The following LYPLAL1 variants were observed in gnomAD, a reference collection of about 807,000 sequenced individuals.
The protein encoded by LYPLAL1 is lysophospholipase-like protein 1.
LYPLAL1 carries 23 observed loss-of-function variants against 19.7 expected under a neutral mutation model. That is an observed-to-expected ratio of 1.17 (90% CI 0.84 to 1.65). The LOEUF is 1.65. Among genes scored for constraint, LYPLAL1 ranks in the 40% most tolerant of loss-of-function variants. LYPLAL1 has a pLI of 0.00. For missense variants in LYPLAL1, 355 were observed against 279.4 expected (o/e 1.27, Z -1.93); for synonymous variants, 119 against 96.3 (o/e 1.24, Z -1.38).
the LYPLAL1 span, among the ~76,000 whole-genome samples, chr1:219,280,577 A>G: frequency 6.6e-6 from 1 of 152,196 alleles, no homozygotes; most frequent in Admixed American, 6.5e-5. Context: ...ATGCATTCTG[A>G]ACAACATATA....
chr1:219,407,215 AC>A, the LYPLAL1 span, among the ~76,000 whole-genome samples: 1 of 152,210 alleles, frequency 6.6e-6, no homozygotes, highest in Non-Finnish European at 1.5e-5. Flanking sequence ...GGCTAGGAAA[AC>A]AAAAAAAATG....
chr1:219,400,211 ATC>A, the LYPLAL1 span, among the ~76,000 whole-genome samples: 1 of 151,612 alleles, frequency 6.6e-6, no homozygotes. Flanking sequence ...CCTGATGAAG[ATC>A]TGTTAGGAGT....
the LYPLAL1 span, among the ~76,000 whole-genome samples, chr1:219,425,980 A>G: frequency 6.6e-6 from 1 of 152,236 alleles, no homozygotes; most frequent in African/African-American, 2.4e-5. Context: ...CTGTTGTTCT[A>G]AAGAACCAAC....
At chr1:219,409,467 C>CAAACACACACAT in the LYPLAL1 span, 1 of 146,580 alleles carries the variant, frequency 6.8e-6, no homozygotes, top group Non-Finnish European at 1.5e-5. Flanking sequence ...CACACACACA[C>CAAACACACACAT]AAATTTTATT....
chr1:219,390,458 T>C, the LYPLAL1 span, among the ~76,000 whole-genome samples: 2 of 152,334 alleles, frequency 1.3e-5, no homozygotes, highest in South Asian at 2.1e-4. Context: ...ACCAGACAGA[T>C]TTTCCATCTA....
chr1:219,236,544 TAAG>T, the LYPLAL1 span, among the ~76,000 whole-genome samples: 1 of 152,226 alleles, frequency 6.6e-6, no homozygotes, highest in Non-Finnish European at 1.5e-5. Flanking sequence ...GACATTCTCT[TAAG>T]AAATAAAACT....
the LYPLAL1 span, among the ~76,000 whole-genome samples, chr1:219,248,074 A>G: frequency 1.3e-5 from 2 of 152,170 alleles, no homozygotes; most frequent in Admixed American, 1.3e-4. Flanking sequence ...TAAAGAGTCA[A>G]ATTTTCCAAA....
the LYPLAL1 span, among the ~76,000 whole-genome samples, chr1:219,314,870 A>C: frequency 2.6e-5 from 4 of 152,256 alleles, no homozygotes; most frequent in Non-Finnish European, 5.9e-5. Flanking sequence ...CGTTTTAACA[A>C]ATACCACAGG....
the LYPLAL1 span, among the ~76,000 whole-genome samples, chr1:219,430,666 C>T: frequency 0.094 from 14,248 of 152,196 alleles, 905 homozygotes; most frequent in Non-Finnish European, 0.13. Context: ...TGGTTTGTGG[C>T]TTAGCAGCTG....
At chr1:219,224,185 T>TA in the LYPLAL1 span, among the ~76,000 whole-genome samples, 1 of 152,168 alleles carries the variant, frequency 6.6e-6, no homozygotes, top group Non-Finnish European at 1.5e-5. Flanking sequence ...CTCGATTATG[T>TA]AACAAGAAAG....
intron 2 of LYPLAL1, among the ~76,000 whole-genome samples, chr1:219,189,531 T>A (rs947079112): frequency 6.6e-6 from 1 of 151,646 alleles, no homozygotes. Context: ...GTTTGAATGC[T>A]TTCTGCCTTC....
At chr1:219,193,667 A>C (rs1424461320) in intron 3 of LYPLAL1, among the ~76,000 whole-genome samples, 1 of 151,914 alleles carries the variant, frequency 6.6e-6, no homozygotes, top group Admixed American at 6.6e-5. Flanking sequence ...AGTTAATCTC[A>C]CAAGAATATT....
At chr1:219,206,965 T>G (rs1248164133) in intron 3 of LYPLAL1, among the ~76,000 whole-genome samples, 3 of 152,036 alleles carry the variant, frequency 2.0e-5, no homozygotes, top group East Asian at 3.9e-4. Flanking sequence ...TTATTTTTGC[T>G]TCATTTATAA....
intron 3 of LYPLAL1, among the ~76,000 whole-genome samples, chr1:219,208,386 A>AT (rs1658739349): frequency 6.6e-6 from 1 of 152,128 alleles, no homozygotes; most frequent in South Asian, 2.1e-4. Flanking sequence ...ACACAAAGAC[A>AT]TTCAGCTTGG....
the LYPLAL1 span, among the ~76,000 whole-genome samples, chr1:219,342,649 TA>T: frequency 6.6e-6 from 1 of 152,128 alleles, no homozygotes; most frequent in African/African-American, 2.4e-5. Flanking sequence ...TGAATTGCTT[TA>T]AAAAAATTCC....
chr1:219,345,810 T>TA, the LYPLAL1 span, among the ~76,000 whole-genome samples: 105 of 152,328 alleles, frequency 6.9e-4, no homozygotes, highest in East Asian at 0.015. Context: ...GACATGGCTA[T>TA]AGCAGGCTTG....
chr1:219,323,445 C>T, the LYPLAL1 span, among the ~76,000 whole-genome samples: 1 of 152,116 alleles, frequency 6.6e-6, no homozygotes, highest in Non-Finnish European at 1.5e-5. Context: ...AATAGGGAAG[C>T]AGTAGGGTAT....
intron 3 of LYPLAL1, among the ~76,000 whole-genome samples, chr1:219,201,348 A>G (rs974104816): frequency 1.5e-4 from 22 of 151,126 alleles, no homozygotes; most frequent in Non-Finnish European, 2.9e-4. Flanking sequence ...GAATTATTTG[A>G]CTCATCTGGA....
the LYPLAL1 span, among the ~76,000 whole-genome samples, chr1:219,316,551 A>G: frequency 6.6e-6 from 1 of 152,150 alleles, no homozygotes; most frequent in Non-Finnish European, 1.5e-5. Flanking sequence ...AGAATTCACT[A>G]GCAAGGCCTC....
Sources: gnomAD v4.1 joint callset for allele counts (sites outside exome capture counted in the v4.1 genomes callset) on GRCh38, gnomAD v4.1.1 for gene constraint, MANE v1.5 for transcripts, NCBI Gene and HGNC (gene_info 2026-07-23, HGNC 2026-07-21) for gene names.